Variants in SPTAN1 observed in about 807,000 individuals in gnomAD.
SPTAN1 encodes the protein spectrin alpha, non-erythrocytic 1.
In SPTAN1, 61 loss-of-function variants were observed where a neutral mutation model predicts 331.3. That is an observed-to-expected ratio of 0.18 (90% CI 0.15 to 0.23). The LOEUF (loss-of-function observed/expected upper bound fraction) is 0.23. SPTAN1 is among the 10% of genes least tolerant of loss of function. SPTAN1 has a pLI of 1.00. For synonymous variants in SPTAN1, 1,153 were observed against 1,173.9 expected, an observed-to-expected ratio of 0.98 and a Z score of 0.36; for missense variants, 2,043 against 3,147.9, an observed-to-expected ratio of 0.65 and a Z score of 8.40.
rs1858617384 is a variant in SPTAN1 at position 128,625,616 on chromosome 9, G to A, written c.6070-153G>A. Among the ~76,000 whole-genome samples the A allele has an allele frequency of 6.6e-6, 1 of 152,162 alleles. No individual in the cohort carries two copies. Among genetic ancestry groups the A allele is most frequent in the Non-Finnish European group, 1.5e-5 (1 of 68,018 alleles). The stretch of plus-strand genomic sequence containing the variant: ...GTGATCTGCGGTCTGAAGGAGAGCA[G>A]GAAAGGGGGCATGTGTGACTGAGTC... On this transcript the variant is annotated intron_variant, in intron 47 of 56. Transcript: ENST00000372739. This position sits in a 1 kb window ranked among gnomAD's most constrained non-coding sequence, Gnocchi z 4.1.
intron 1 of SPTAN1, among the ~76,000 whole-genome samples, chr9:128,559,066 C>T (rs1170593623): frequency 1.3e-5 from 2 of 152,112 alleles, no homozygotes; most frequent in African/African-American, 4.8e-5. Flanking sequence ...ATGCTGACTG[C>T]AGTGGGAGCA....
intron 4 of SPTAN1, 122 bp downstream of exon 4, chr9:128,574,937 A>G: frequency 7.0e-7 from 1 of 1,418,576 alleles, no homozygotes; most frequent in Admixed American, 1.8e-5. Flanking sequence ...AAAGGGTGGA[A>G]GTGGGGTTGC....
At chr9:128,569,352 C>G (rs1157345267) in intron 3 of SPTAN1, among the ~76,000 whole-genome samples, 1 of 151,924 alleles carries the variant, frequency 6.6e-6, no homozygotes, top group Non-Finnish European at 1.5e-5. Flanking sequence ...CCTGTTAAAG[C>G]TCCAGCTCTA....
chr9:128,580,008 A>G (rs1397002032), intron 10 of SPTAN1, among the ~76,000 whole-genome samples: 1 of 152,092 alleles, frequency 6.6e-6, no homozygotes, highest in Non-Finnish European at 1.5e-5. Flanking sequence ...GAGTTGGAGC[A>G]AAGAGGAAAC....
chr9:128,599,249 C>G, intron 26 of SPTAN1: 1 of 465,608 alleles, frequency 2.1e-6, no homozygotes, highest in East Asian at 4.4e-5. Flanking sequence ...ATTCTCCCAT[C>G]TCAGCTTCCT....
intron 45 of SPTAN1, among the ~76,000 whole-genome samples, chr9:128,622,814 G>GCAATCTCACCTCACTGCCA (rs1285778269): frequency 6.8e-6 from 1 of 147,504 alleles, no homozygotes; most frequent in Non-Finnish European, 1.5e-5. Context: ...GTGCACTGGC[G>GCAATCTCACCTCACTGCCA]CAATCTCACC....
chr9:128,633,165 G>A (rs984384378), intron 56 of SPTAN1, 44 bp from the exon 57 acceptor site: 3 of 1,613,230 alleles, frequency 1.9e-6, no homozygotes, highest in African/African-American at 2.7e-5. Context: ...GTTTGAAGTG[G>A]GTGCAGCTGG....
chr9:128,569,904 A>G (rs1384253520), intron 3 of SPTAN1, among the ~76,000 whole-genome samples: 1 of 152,164 alleles, frequency 6.6e-6, no homozygotes, highest in Non-Finnish European at 1.5e-5. Flanking sequence ...AATTAGCCCT[A>G]AGATGTATGA....
At chr9:128,567,005 C>A in intron 2 of SPTAN1, 28 bp downstream of exon 2, 1 of 1,613,224 alleles carries the variant, frequency 6.2e-7, no homozygotes, top group South Asian at 1.1e-5. Context: ...GGATTCCTGC[C>A]AAAATTCAAG....
intron 3 of SPTAN1, among the ~76,000 whole-genome samples, chr9:128,572,868 G>A (rs1159497620): frequency 6.6e-6 from 1 of 152,090 alleles, no homozygotes; most frequent in East Asian, 1.9e-4. Flanking sequence ...CCTTGCTTTG[G>A]AGTGCCTTTC....
intron 1 of SPTAN1, among the ~76,000 whole-genome samples, chr9:128,566,211 C>A (rs1055451069): frequency 6.6e-6 from 1 of 152,172 alleles, no homozygotes; most frequent in Non-Finnish European, 1.5e-5. Flanking sequence ...CACACACCAC[C>A]ATGCCCAGCT....
At chr9:128,575,397 T>C in intron 5 of SPTAN1, 52 bp downstream of exon 5, 1 of 1,594,154 alleles carries the variant, frequency 6.3e-7, no homozygotes, top group African/African-American at 1.3e-5. Flanking sequence ...GTTAACTTTT[T>C]AGTATATTCA....
At chr9:128,592,890 A>G (rs1589250725) in intron 22 of SPTAN1, 93 bp from the exon 23 acceptor site, 2 of 1,189,174 alleles carry the variant, frequency 1.7e-6, no homozygotes, top group Admixed American at 2.0e-5. Context: ...TTAAGCATCC[A>G]CCATCATGGC....
At chr9:128,606,279 G>T (rs1855836775) in intron 31 of SPTAN1, among the ~76,000 whole-genome samples, 1 of 141,034 alleles carries the variant, frequency 7.1e-6, no homozygotes, top group African/African-American at 2.6e-5. Context: ...GGGAGGCTGA[G>T]GCAGGAGAAT....
intron 1 of SPTAN1, among the ~76,000 whole-genome samples, chr9:128,557,701 G>A (rs1047522598): frequency 1.3e-5 from 2 of 150,572 alleles, no homozygotes; most frequent in East Asian, 3.9e-4. Context: ...AATCTATTTT[G>A]TAGGAATCCA....
chr9:128,576,033 G>C (rs940534714), intron 5 of SPTAN1, among the ~76,000 whole-genome samples: 1 of 152,012 alleles, frequency 6.6e-6, no homozygotes, highest in East Asian at 1.9e-4. Context: ...AAAGATACCC[G>C]GCATTCCTCA....
In SPTAN1 at chr9:128,581,769, T is replaced by G. The variant is rs188709020; in HGVS notation, c.1462-13T>G. The stretch of plus-strand genomic sequence containing the variant: ...TAGGACATTATTCTGAACACTTTGT[T>G]TCCTTTGGCAAGGCGTTCCTGTTGA... On this transcript the variant is annotated splice_polypyrimidine_tract_variant and intron_variant, in intron 11 of 56. Coordinates refer to ENST00000372739, the MANE Select transcript of SPTAN1 (RefSeq NM_001130438.3). 4.4e-6 allele frequency: 7 copies of G among 1,602,914 alleles called. No homozygotes were observed. In the Admixed American group the frequency reaches 1.0e-4, roughly 23 times the overall value.
intron 24 of SPTAN1, among the ~76,000 whole-genome samples, chr9:128,595,596 C>T (rs1187254038): frequency 2.0e-5 from 3 of 151,898 alleles, no homozygotes; most frequent in African/African-American, 7.3e-5. Context: ...TTAAACTGTA[C>T]AATTCAGTGG....
chr9:128,626,696 C>G lies in SPTAN1; in HGVS notation c.6576+9C>G, dbSNP rs753047744. The G allele has an allele frequency of 1.2e-6, 2 of 1,600,416 alleles. No individual in the cohort carries two copies. The highest frequency in any genetic ancestry group is 1.7e-6 in the Non-Finnish European group (2 of 1,174,596). On this transcript the variant is annotated intron_variant, in intron 49 of 56. Transcript: ENST00000372739. ...TACAGAAAATCATCAAGGTACACCTCCCGCTGCCCTCAGGAGCTGCTCGGC... is the reference window on the plus strand; with the variant it reads ...TACAGAAAATCATCAAGGTACACCTGCCGCTGCCCTCAGGAGCTGCTCGGC...
Sources: gnomAD v4.1 joint callset for allele counts (sites outside exome capture counted in the v4.1 genomes callset) on GRCh38, gnomAD v4.1.1 for gene constraint, Gnocchi (gnomAD v3.1) non-coding constraint, MANE v1.5 for transcripts, NCBI Gene and HGNC (gene_info 2026-07-23, HGNC 2026-07-21) for gene names.